Variants in BTC observed in about 807,000 individuals in gnomAD.
BTC encodes the protein probetacellulin.
BTC carries 13 observed loss-of-function variants against 18.1 expected under a neutral mutation model. That is an observed-to-expected ratio of 0.72 (90% CI 0.47 to 1.14). The LOEUF (loss-of-function observed/expected upper bound fraction) is 1.14. BTC is among the 50% of genes most tolerant of loss of function. BTC has a pLI of 0.00. For synonymous variants in BTC, 83 were observed against 79.4 expected, an observed-to-expected ratio of 1.05 and a Z score of -0.24; for missense variants, 247 against 224.2, an observed-to-expected ratio of 1.10 and a Z score of -0.65.
At chr4:74,754,951 A>ACACACACACACACACACACACACT (rs1281400676) in intron 3 of BTC, among the ~76,000 whole-genome samples, 1 of 150,432 alleles carries the variant, frequency 6.6e-6, no homozygotes, top group Non-Finnish European at 1.5e-5. Flanking sequence ...ACACACACAC[A>ACACACACACACACACACACACACT]CACACACACA....
intron 2 of BTC, among the ~76,000 whole-genome samples, chr4:74,761,192 C>G (rs1404499405): frequency 6.6e-6 from 1 of 151,774 alleles, no homozygotes; most frequent in Non-Finnish European, 1.5e-5. Flanking sequence ...TAAAAATATT[C>G]ATGGCTGGAG....
chr4:74,790,401 G>T (rs1349783614), intron 1 of BTC, among the ~76,000 whole-genome samples: 2 of 152,170 alleles, frequency 1.3e-5, no homozygotes, highest in African/African-American at 4.8e-5. Flanking sequence ...GGCCAAGGAG[G>T]TTTAAGAGAC....
intron 1 of BTC, among the ~76,000 whole-genome samples, chr4:74,771,907 T>C (rs1241943255): frequency 7.2e-5 from 11 of 152,206 alleles, no homozygotes; most frequent in Non-Finnish European, 4.4e-5. Context: ...GTAGATTACC[T>C]AAATAACTGA....
intron 1 of BTC, among the ~76,000 whole-genome samples, chr4:74,780,062 G>A (rs1419586473): frequency 6.6e-6 from 1 of 152,178 alleles, no homozygotes; most frequent in African/African-American, 2.4e-5. Flanking sequence ...GGGAGACAAT[G>A]AGTAAAGCTG....
intron 3 of BTC, among the ~76,000 whole-genome samples, chr4:74,754,254 C>G (rs1162174124): frequency 2.0e-5 from 3 of 152,182 alleles, no homozygotes; most frequent in Non-Finnish European, 4.4e-5. Context: ...AATAGGGGCA[C>G]TATTTGTTCA....
At chr4:74,792,724 T>C (rs568867613) in intron 1 of BTC, among the ~76,000 whole-genome samples, 3 of 152,322 alleles carry the variant, frequency 2.0e-5, no homozygotes, top group Non-Finnish European at 2.9e-5. Flanking sequence ...TTTTCCCTTG[T>C]CTCTGTTCCC....
intron 4 of BTC, among the ~76,000 whole-genome samples, chr4:74,749,483 A>AAAATAAATAAATAAATAAATAAAT (rs10654944): frequency 1.2e-4 from 17 of 143,740 alleles, no homozygotes; most frequent in African/African-American, 4.1e-4. Flanking sequence ...ACTCTGTCTC[A>AAAATAAATAAATAAATAAATAAAT]AAATAAATAA....
intron 2 of BTC, among the ~76,000 whole-genome samples, chr4:74,763,796 T>C (rs1024233126): frequency 7.2e-5 from 11 of 152,088 alleles, no homozygotes; most frequent in African/African-American, 2.7e-4. Flanking sequence ...CACTGTAGGG[T>C]AACTATAATT....
At chr4:74,773,730 G>A (rs1725108096) in intron 1 of BTC, among the ~76,000 whole-genome samples, 1 of 151,830 alleles carries the variant, frequency 6.6e-6, no homozygotes, top group Non-Finnish European at 1.5e-5. Flanking sequence ...TCATGCCTCA[G>A]CCACCCAAGT....
In BTC at chr4:74,748,075, A is replaced by T. The variant is rs1553955643; in HGVS notation, c.503T>A (p.Ile168Asn). Residue 168 changes from isoleucine to asparagine, a missense_variant, in exon 5 of 6, where the codon ATC becomes AAC. Ile to Asn is a moderately radical substitution (Grantham distance 149). Transcript: ENST00000395743. Reference sequence around the variant, plus strand: ...ATTTGTCTCTTCAATATCTTCATTGATAGGAGTTATATCTTTACCCAGAGT... The same window carrying T: ...ATTTGTCTCTTCAATATCTTCATTGTTAGGAGTTATATCTTTACCCAGAGT... ...METLGKDITP[I>N]NEDIEETNIA 1 of 1,606,556 alleles carries T rather than the reference A, an allele frequency of 6.2e-7. No individual in the cohort carries two copies. The highest frequency in any genetic ancestry group is 1.1e-5 in the South Asian group (1 of 90,256).
intron 2 of BTC, among the ~76,000 whole-genome samples, chr4:74,758,284 C>G (rs999904405): frequency 6.6e-6 from 1 of 152,086 alleles, no homozygotes; most frequent in Admixed American, 6.6e-5. Flanking sequence ...AAACACAAAG[C>G]AAGAGAGAGC....
chr4:74,780,946 A>G (rs1703043315), intron 1 of BTC, among the ~76,000 whole-genome samples: 1 of 150,650 alleles, frequency 6.6e-6, no homozygotes, highest in Non-Finnish European at 1.5e-5. Flanking sequence ...TTCAGGGTAC[A>G]TGTGCACAAT....
At chr4:74,749,585 C>G (rs1553955894) in intron 4 of BTC, among the ~76,000 whole-genome samples, 1 of 151,394 alleles carries the variant, frequency 6.6e-6, no homozygotes, top group Non-Finnish European at 1.5e-5. Flanking sequence ...CACGAGAACC[C>G]TCTTTATGTG....
intron 1 of BTC, among the ~76,000 whole-genome samples, chr4:74,785,236 A>T (rs956158550): frequency 3.9e-5 from 6 of 151,972 alleles, no homozygotes; most frequent in African/African-American, 1.5e-4. Context: ...GTATTCTCTG[A>T]TGTTTGTTTG....
intron 1 of BTC, among the ~76,000 whole-genome samples, chr4:74,785,840 T>C (rs1472405166): frequency 6.6e-6 from 1 of 152,152 alleles, no homozygotes; most frequent in Non-Finnish European, 1.5e-5. Context: ...TCCCTTTGTG[T>C]TTCATATCCT....
At chr4:74,762,344 C>T (rs1724783010) in intron 2 of BTC, among the ~76,000 whole-genome samples, 1 of 152,140 alleles carries the variant, frequency 6.6e-6, no homozygotes, top group Admixed American at 6.6e-5. Context: ...TGATCTTGAA[C>T]AAATTACTTT....
Position 74,794,380 on chromosome 4 carries a change from C to T in BTC, c.-55G>A, listed in dbSNP as rs1398534664. 18 of 1,464,380 alleles carry T rather than the reference C, an allele frequency of 1.2e-5. No homozygotes were observed. The highest frequency in any genetic ancestry group is 1.8e-4 in the Middle Eastern group (1 of 5,656). The allele number at this position is 1,464,380 out of a possible 1,614,324, so 90.7% of individuals were successfully genotyped here. A position where few individuals can be genotyped will look rare whatever the true frequency, so the allele number is the denominator to read the frequency against. ...CTAGACAAGTCTCCCTCCTTCTTCGCCCCCTTCCCGGGCCTCGGGCGCCTG... is the reference window on the plus strand; with the variant it reads ...CTAGACAAGTCTCCCTCCTTCTTCGTCCCCTTCCCGGGCCTCGGGCGCCTG... On this transcript the variant is annotated 5_prime_UTR_variant, in exon 1 of 6. Coordinates refer to ENST00000395743, the MANE Select transcript of BTC (RefSeq NM_001729.4).
intron 1 of BTC, among the ~76,000 whole-genome samples, chr4:74,786,417 G>T (rs551434438): frequency 6.6e-6 from 1 of 152,152 alleles, no homozygotes; most frequent in Non-Finnish European, 1.5e-5. Flanking sequence ...TTATGAAATC[G>T]TTATATGTAA....
chr4:74,789,929 T>C (rs1298163639), intron 1 of BTC, among the ~76,000 whole-genome samples: 1 of 152,230 alleles, frequency 6.6e-6, no homozygotes, highest in Non-Finnish European at 1.5e-5. Context: ...AAGCTCTTCA[T>C]TGCATGAAAT....
Sources: gnomAD v4.1 joint callset for allele counts (sites outside exome capture counted in the v4.1 genomes callset) on GRCh38, gnomAD v4.1.1 for gene constraint, MANE v1.5 for transcripts, NCBI Gene and HGNC (gene_info 2026-07-23, HGNC 2026-07-21) for gene names.